The following NLRP11 variants were observed in gnomAD, a reference collection of about 807,000 sequenced individuals.
NLRP11 encodes NLR family pyrin domain containing 11.
NLRP11 carries 53 observed loss-of-function variants against 79.3 expected under a neutral mutation model. The observed-to-expected ratio is 0.67, with a 90% CI of 0.54 to 0.84. NLRP11 has a LOEUF of 0.84. Among genes scored for constraint, NLRP11 ranks in the 40% least tolerant of loss-of-function variants. The pLI is 0.00. For synonymous variants in NLRP11, 518 were observed against 462.6 expected (o/e 1.12, Z -1.54); for missense variants, 1,264 against 1,255.0 (o/e 1.01, Z -0.11).
intron 1 of NLRP11, among the ~76,000 whole-genome samples, chr19:55,819,850 C>G (rs1981510701): frequency 6.6e-6 from 1 of 152,162 alleles, no homozygotes; most frequent in South Asian, 2.1e-4. Context: ...ACACACTCAA[C>G]AGTGATGCCT....
chr19:55,818,212 T>A, exon 2 of NLRP11: 1 of 1,559,466 alleles, frequency 6.4e-7, no homozygotes, highest in Non-Finnish European at 8.7e-7. Context: ...AGAGAAGGGA[T>A]TTTGAGGCAC....
At chr19:55,831,816 G>A (rs1156492065) in intron 1 of NLRP11, 147 bp downstream of exon 1, 1 of 150,348 alleles carries the variant, frequency 6.7e-6, no homozygotes, top group African/African-American at 2.4e-5. Flanking sequence ...AACAGAGCTT[G>A]GCCTGCCCTT....
chr19:55,790,206 A>T (rs559607868), intron 7 of NLRP11, among the ~76,000 whole-genome samples: 1 of 152,160 alleles, frequency 6.6e-6, no homozygotes, highest in Non-Finnish European at 1.5e-5. Flanking sequence ...CTTAGGATTG[A>T]ATTAAAAAAG....
intron 9 of NLRP11, among the ~76,000 whole-genome samples, chr19:55,788,560 G>A (rs1317174004): frequency 1.3e-5 from 2 of 151,468 alleles, no homozygotes; most frequent in Non-Finnish European, 2.9e-5. Flanking sequence ...CCAACATGGT[G>A]AAACCCCGTC....
rs998634674 is a variant in NLRP11 at position 55,785,501 on chromosome 19, A to T, written c.*124T>A. 10 of 527,170 alleles carry T rather than the reference A, an allele frequency of 1.9e-5. No homozygotes were observed. The African/African-American group carries it at 2.5e-4, about 13-fold the overall frequency. 32.7% of individuals were successfully genotyped at this position (527,170 alleles called of 1,614,324 possible). A position where few individuals can be genotyped will look rare whatever the true frequency, so the allele number is the denominator to read the frequency against. On this transcript the variant is annotated 3_prime_UTR_variant, in exon 10 of 10. Transcript: ENST00000589093. Reference sequence around the variant, plus strand: ...GGTTGACTGGATCAAGGTCACACACACACACACACACACACACACACACAC... The same window carrying T: ...GGTTGACTGGATCAAGGTCACACACTCACACACACACACACACACACACAC...
At position 55,786,584 on chromosome 19, in the gene NLRP11, GTTTC is replaced by G. The variant is rs1010958454; in HGVS notation, c.2856-717_2856-714del. On this transcript the variant is annotated intron_variant, in intron 9 of 9. Transcript: ENST00000589093. ...CACTTACACCGCAGCCCATGCTCAT[GTTTC>G]TTTCTCCAAATCAAAGAGGAGGATT... Among the ~76,000 whole-genome samples the G allele has an allele frequency of 3.0e-4, 46 of 152,136 alleles. 1 individual carries two copies. Among genetic ancestry groups the G allele is most frequent in the Non-Finnish European group, 1.2e-4 (8 of 68,014 alleles).
upstream of NLRP11, among the ~76,000 whole-genome samples, chr19:55,835,610 G>T (rs886645250): frequency 2.7e-5 from 4 of 150,058 alleles, no homozygotes; most frequent in Non-Finnish European, 4.4e-5. Context: ...GGGAGGCCGA[G>T]GCGGGCAGAT....
At chr19:55,806,923 T>G (rs986673388) in intron 4 of NLRP11, among the ~76,000 whole-genome samples, 3 of 152,152 alleles carry the variant, frequency 2.0e-5, no homozygotes, top group Non-Finnish European at 4.4e-5. Context: ...TTCAAGTCTT[T>G]GCTCAAATCT....
At chr19:55,823,104 C>T (rs369301992) in intron 1 of NLRP11, among the ~76,000 whole-genome samples, 6 of 135,016 alleles carry the variant, frequency 4.4e-5, no homozygotes, top group East Asian at 2.3e-4. Flanking sequence ...GGTCCCTGAC[C>T]CCTGACCCCC....
chr19:55,786,028 C>T (rs1044084908), intron 9 of NLRP11, among the ~76,000 whole-genome samples, 157 bp from the exon 10 acceptor site: 3 of 152,170 alleles, frequency 2.0e-5, no homozygotes, highest in African/African-American at 7.2e-5. Context: ...GACTGAAAAC[C>T]GTGAGATAGC....
chr19:55,801,736 C>T, exon 5 of NLRP11: 5 of 1,613,976 alleles, frequency 3.1e-6, no homozygotes, highest in South Asian at 1.1e-5. Flanking sequence ...AGACATAGGA[C>T]AACCTGTGGA....
upstream of NLRP11, chr19:55,832,084 T>A (rs1982852217): frequency 6.6e-6 from 1 of 152,192 alleles, no homozygotes; most frequent in South Asian, 2.1e-4. Flanking sequence ...CCAAGGTGGG[T>A]TCTTGATGAC....
intron 7 of NLRP11, among the ~76,000 whole-genome samples, chr19:55,791,530 G>A (rs982157000): frequency 6.6e-6 from 1 of 152,116 alleles, no homozygotes; most frequent in Non-Finnish European, 1.5e-5. Context: ...GAGCTCACAA[G>A]CCATAGTGTT....
chr19:55,822,384 G>C (rs1555804329), intron 1 of NLRP11, among the ~76,000 whole-genome samples: 1 of 152,228 alleles, frequency 6.6e-6, no homozygotes, highest in Non-Finnish European at 1.5e-5. Flanking sequence ...CTGAGGCTTA[G>C]AATTTTATCA....
intron 5 of NLRP11, among the ~76,000 whole-genome samples, chr19:55,797,031 C>A (rs1255147098): frequency 7.3e-6 from 1 of 137,064 alleles, no homozygotes; most frequent in Non-Finnish European, 1.5e-5. Context: ...CCTCCCTGAT[C>A]TCCTCACTCT....
intron 7 of NLRP11, among the ~76,000 whole-genome samples, chr19:55,791,383 T>A (rs1990226212): frequency 6.6e-6 from 1 of 152,200 alleles, no homozygotes; most frequent in Non-Finnish European, 1.5e-5. Context: ...TCCCTACAAT[T>A]TCCTATTTTA....
exon 3 of NLRP11, chr19:55,810,146 C>G (rs764512991): frequency 6.2e-6 from 10 of 1,613,950 alleles, no homozygotes; most frequent in Non-Finnish European, 7.6e-6. Flanking sequence ...TCCAGATGCT[C>G]TCTCTCCCAT....
chr19:55,813,804 C>T (rs1264513982), intron 2 of NLRP11, among the ~76,000 whole-genome samples: 1 of 152,106 alleles, frequency 6.6e-6, no homozygotes, highest in East Asian at 1.9e-4. Flanking sequence ...TGAGTGGACT[C>T]AGCCCTGCTA....
At chr19:55,813,695 G>T (rs1424689229) in intron 2 of NLRP11, among the ~76,000 whole-genome samples, 1 of 152,154 alleles carries the variant, frequency 6.6e-6, no homozygotes, top group African/African-American at 2.4e-5. Flanking sequence ...TTGAGAATAA[G>T]ATGATCAAGA....
Sources: allele counts gnomAD v4.1 joint callset (sites outside exome capture counted in the v4.1 genomes callset), GRCh38; gene constraint gnomAD v4.1.1; transcripts MANE v1.5; gene names NCBI Gene and HGNC (gene_info 2026-07-23, HGNC 2026-07-21).